ABI1: variants seen among roughly 807,000 people sequenced by gnomAD.
ABI1 encodes abl interactor 1.
Under a neutral mutation model 54.6 loss-of-function variants are expected in ABI1, and 14 were observed. The observed-to-expected ratio is 0.26, with a 90% CI of 0.17 to 0.40. ABI1 has a LOEUF of 0.40. Ranked by LOEUF, ABI1 falls within the 10% of genes least tolerant of loss-of-function variation. The probability of loss-of-function intolerance (pLI) is 1.00; values close to 1 mark genes in which losing one functional copy is unlikely to be tolerated. For missense variants in ABI1, 443 were observed against 598.3 expected, an observed-to-expected ratio of 0.74 and a Z score of 2.71; for synonymous variants, 194 against 209.3, an observed-to-expected ratio of 0.93 and a Z score of 0.63.
intron 2 of ABI1, among the ~76,000 whole-genome samples, chr10:26,817,005 T>TGC (rs1170356337): frequency 2.6e-5 from 4 of 151,628 alleles, no homozygotes; most frequent in Admixed American, 1.3e-4. Context: ...TGTGTGTGTG[T>TGC]GTGTGTGTGT....
intron 7 of ABI1, among the ~76,000 whole-genome samples, chr10:26,761,173 A>G (rs954399192): frequency 2.0e-5 from 3 of 152,108 alleles, no homozygotes; most frequent in African/African-American, 7.2e-5. Context: ...TCCTGGGCTC[A>G]AGCAATCCTC....
intron 2 of ABI1, among the ~76,000 whole-genome samples, chr10:26,814,292 C>G (rs1192174498): frequency 6.6e-6 from 1 of 152,158 alleles, no homozygotes; most frequent in Non-Finnish European, 1.5e-5. Context: ...GTTATACTAG[C>G]TACCTACGAC....
chr10:26,847,557 G>A (rs1241928994), intron 1 of ABI1, among the ~76,000 whole-genome samples: 2 of 151,708 alleles, frequency 1.3e-5, no homozygotes, highest in Non-Finnish European at 2.9e-5. Flanking sequence ...CCAGGAGGTT[G>A]AGGCTGCAGT....
At chr10:26,818,984 C>T (rs1435449505) in intron 2 of ABI1, among the ~76,000 whole-genome samples, 2 of 152,196 alleles carry the variant, frequency 1.3e-5, no homozygotes, top group Non-Finnish European at 2.9e-5. Context: ...CAGAGCGAGA[C>T]TCCGTCTCAA....
intron 1 of ABI1, among the ~76,000 whole-genome samples, chr10:26,844,810 T>A (rs1458942021): frequency 1.3e-5 from 2 of 152,226 alleles, no homozygotes. Context: ...CACCCATATC[T>A]CCTTCACCAA....
intron 2 of ABI1, among the ~76,000 whole-genome samples, chr10:26,821,013 C>T (rs536623794): frequency 6.6e-6 from 1 of 151,830 alleles, no homozygotes; most frequent in Admixed American, 6.6e-5. Flanking sequence ...GAGGCCAAGG[C>T]AGGCAGATCA....
intron 6 of ABI1, among the ~76,000 whole-genome samples, chr10:26,766,281 A>G (rs1839943249): frequency 6.6e-6 from 1 of 152,236 alleles, no homozygotes. Context: ...CTGTCCTGTT[A>G]GCTCTAGGAC....
chr10:26,792,964 G>C (rs1843662773), intron 2 of ABI1, among the ~76,000 whole-genome samples: 1 of 152,120 alleles, frequency 6.6e-6, no homozygotes, highest in Admixed American at 6.6e-5. Context: ...AAGCCAGGCA[G>C]GAAAGAAGTA....
intron 3 of ABI1, among the ~76,000 whole-genome samples, chr10:26,772,150 AAT>A: frequency 6.6e-6 from 1 of 152,250 alleles, no homozygotes; most frequent in Non-Finnish European, 1.5e-5. Flanking sequence ...GGTACACTTC[AAT>A]ATTTGTTTAA....
intron 2 of ABI1, among the ~76,000 whole-genome samples, chr10:26,815,353 AG>A (rs1462323025): frequency 1.3e-5 from 2 of 152,214 alleles, no homozygotes; most frequent in Non-Finnish European, 2.9e-5. Context: ...GTCAATTGAT[AG>A]TATTAACAGC....
At chr10:26,768,545 A>T (rs1236796315) in intron 6 of ABI1, among the ~76,000 whole-genome samples, 4 of 152,134 alleles carry the variant, frequency 2.6e-5, no homozygotes, top group Admixed American at 2.0e-4. Flanking sequence ...TCACAAAAAA[A>T]AAAAGAAAAA....
rs547742984 is a variant in ABI1 at position 26,850,358 on chromosome 10, C to G, written c.117+10389G>C. On this transcript the variant is annotated intron_variant, in intron 1 of 10. Transcript: ENST00000376140. ...GTACAGTAAATGCTAACAGATAGAA[C>G]CCGCCTAAAAAACGTTCTCGGCCAG... 2.6e-5 allele frequency among the ~76,000 whole-genome samples: 4 copies of G among 152,148 alleles called. No homozygotes were observed. The East Asian group carries it at 7.7e-4, about 29-fold the overall frequency.
At chr10:26,839,992 AAAAAACAAAAAC>A (rs963434549) in intron 1 of ABI1, among the ~76,000 whole-genome samples, 11 of 152,240 alleles carry the variant, frequency 7.2e-5, no homozygotes, top group African/African-American at 2.6e-4. Flanking sequence ...CCTGTATCAA[AAAAAACAAAAAC>A]AAAAACAAAA....
chr10:26,756,973 C>T (rs577091121), intron 8 of ABI1, among the ~76,000 whole-genome samples: 2 of 152,126 alleles, frequency 1.3e-5, no homozygotes, highest in East Asian at 3.9e-4. Context: ...GAAAGCAATC[C>T]TATTTCATTC....
intron 1 of ABI1, among the ~76,000 whole-genome samples, chr10:26,850,811 AG>A (rs148387631): frequency 0.062 from 9,368 of 152,252 alleles, 430 homozygotes; most frequent in East Asian, 0.19. Flanking sequence ...GGGGTCAAGT[AG>A]GTTATTAGAT....
chr10:26,847,097 G>C (rs2050039941), intron 1 of ABI1, among the ~76,000 whole-genome samples: 1 of 152,158 alleles, frequency 6.6e-6, no homozygotes, highest in Non-Finnish European at 1.5e-5. Flanking sequence ...CGTGTAAAAA[G>C]TCGCAGAATA....
chr10:26,769,264 T>G (rs896259741), intron 5 of ABI1, among the ~76,000 whole-genome samples: 1 of 152,198 alleles, frequency 6.6e-6, no homozygotes, highest in Non-Finnish European at 1.5e-5. Flanking sequence ...TGGTTATAAT[T>G]TTTTAAATGC....
chr10:26,802,212 C>A (rs547876350), intron 2 of ABI1, among the ~76,000 whole-genome samples: 1 of 152,230 alleles, frequency 6.6e-6, no homozygotes, highest in African/African-American at 2.4e-5. Flanking sequence ...TTAAGGCAGG[C>A]GCCAGATGCC....
intron 2 of ABI1, among the ~76,000 whole-genome samples, chr10:26,793,982 C>A (rs1204804328): frequency 6.6e-6 from 1 of 152,134 alleles, no homozygotes; most frequent in African/African-American, 2.4e-5. Flanking sequence ...GTGGTTCACG[C>A]CTATAATCCC....
Sources: gnomAD v4.1 joint callset for allele counts (sites outside exome capture counted in the v4.1 genomes callset) on GRCh38, gnomAD v4.1.1 for gene constraint, MANE v1.5 for transcripts, NCBI Gene and HGNC (gene_info 2026-07-23, HGNC 2026-07-21) for gene names.